Variants in FOXP4 observed in about 807,000 individuals in gnomAD.
FOXP4 encodes forkhead box protein P4.
Under a neutral mutation model 82.6 loss-of-function variants are expected in FOXP4, and 25 were observed. The observed-to-expected ratio is 0.30, with a 90% confidence interval of 0.22 to 0.42. The LOEUF is 0.42. Ranked by LOEUF, FOXP4 falls within the 10% of genes least tolerant of loss-of-function variation. The pLI is 1.00. For synonymous variants in FOXP4, 415 were observed against 388.2 expected (o/e 1.07, Z -0.81); for missense variants, 785 against 900.9 (o/e 0.87, Z 1.65).
In FOXP4 at chr6:41,597,699, T is replaced by C. The variant is rs955848383; in HGVS notation, c.1726-82T>C. The C allele has an allele frequency of 2.0e-6, 3 of 1,499,654 alleles. No homozygotes were observed. In the African/African-American group the frequency reaches 4.1e-5, roughly 21 times the overall value. The allele number at this position is 1,499,654 out of a possible 1,614,324, so 92.9% of individuals were successfully genotyped here. A position where few individuals can be genotyped will look rare whatever the true frequency, so the allele number is the denominator to read the frequency against. ...GGCAGACACACAGGCAGCTCTCTAG[T>C]GGGCGGGGAAGGCACAGCACTTGAC... is the stretch of plus-strand genomic sequence containing the variant. On this transcript the variant is annotated intron_variant, in intron 15 of 16. Coordinates refer to ENST00000307972, the MANE Select transcript of FOXP4 (RefSeq NM_001012426.2).
chr6:41,597,074 GGACC>G lies in FOXP4; in HGVS notation c.1659-101_1659-98del, dbSNP rs1163328769. ...CCCTGGCCTCCCGGAATAGGGAATG[GGACC>G]CATTCCCAGCACAGGCCGTTACTTA... On this transcript the variant is annotated intron_variant, in intron 14 of 16. Coordinates refer to ENST00000307972, the MANE Select transcript of FOXP4 (RefSeq NM_001012426.2). The G allele has an allele frequency of 3.2e-6, 4 of 1,255,760 alleles. No homozygotes were observed. In the African/African-American group the frequency reaches 5.9e-5, roughly 19 times the overall value. The allele number at this position is 1,255,760 out of a possible 1,614,324, so 77.8% of individuals were successfully genotyped here.
At chr6:41,550,086 G>A (rs1052667958) in intron 1 of FOXP4, among the ~76,000 whole-genome samples, 2 of 152,132 alleles carry the variant, frequency 1.3e-5, no homozygotes, top group Non-Finnish European at 2.9e-5. Context: ...CTCAGGCTCC[G>A]TTGGCTGGAA....
chr6:41,571,546 C>T (rs1238645578), intron 2 of FOXP4, among the ~76,000 whole-genome samples: 2 of 152,212 alleles, frequency 1.3e-5, no homozygotes, highest in Admixed American at 6.5e-5. Context: ...TGTGAGTCGT[C>T]TCCCACCCAC....
chr6:41,578,362 CTGTT>C (rs1032118300), intron 3 of FOXP4, among the ~76,000 whole-genome samples: 3 of 152,178 alleles, frequency 2.0e-5, no homozygotes, highest in African/African-American at 4.8e-5. Context: ...ACCTCTCTCA[CTGTT>C]TGTTCTCCCC....
chr6:41,584,771 G>T lies in FOXP4; in HGVS notation c.303G>T (p.Val101=), dbSNP rs1287217717. ...DSKQSASAVQ[V]PVSVAMMSPQ... ...GGCTAACGGGCCGAATCCTGCAGGT[G>T]CCTGTGTCGGTGGCCATGATGTCGC... Residue 101 remains valine (V), a splice_region_variant and synonymous_variant, in exon 4 of 17, where the codon GTG becomes GTT. Transcript: ENST00000307972. 3.1e-6 allele frequency: 5 copies of T among 1,588,046 alleles called. No individual in the cohort carries two copies. Among genetic ancestry groups the T allele is most frequent in the Non-Finnish European group, 4.3e-6 (5 of 1,167,286 alleles).
chr6:41,588,365 TCAAA>T (rs764971348), intron 8 of FOXP4, among the ~76,000 whole-genome samples: 2 of 152,216 alleles, frequency 1.3e-5, no homozygotes, highest in African/African-American at 2.4e-5. Flanking sequence ...AGCATCAGGG[TCAAA>T]CAAATTGTTT....
intron 1 of FOXP4, chr6:41,548,767 G>A (rs1763820179): frequency 1.3e-5 from 2 of 151,940 alleles, no homozygotes; most frequent in Admixed American, 6.6e-5. Flanking sequence ...GGGAGCCACG[G>A]CCTCAGAAAA....
At chr6:41,580,768 G>A (rs1765753484) in intron 3 of FOXP4, among the ~76,000 whole-genome samples, 1 of 152,176 alleles carries the variant, frequency 6.6e-6, no homozygotes. Flanking sequence ...TGCATCTTGA[G>A]CCTGAGTGCA....
Position 41,601,206 on chromosome 6 carries a change from C to T in FOXP4, c.*2270C>T, listed in dbSNP as rs532348119. 1.3e-5 allele frequency: 2 copies of T among 152,336 alleles called. No individual in the cohort carries two copies. The highest frequency in any genetic ancestry group is 2.4e-5 in the African/African-American group (1 of 41,540). The allele number at this position is 152,336 out of a possible 1,614,324, so 9.4% of individuals were successfully genotyped here. A position where few individuals can be genotyped will look rare whatever the true frequency, so the allele number is the denominator to read the frequency against. ...TGGCACACTGTGTGGTGACCATGGTCATCATAGTGGGCTCACGGCGGAAAC... is the reference window on the plus strand; with the variant it reads ...TGGCACACTGTGTGGTGACCATGGTTATCATAGTGGGCTCACGGCGGAAAC... On this transcript the variant is annotated 3_prime_UTR_variant, in exon 17 of 17. Transcript: ENST00000307972.
intron 1 of FOXP4, among the ~76,000 whole-genome samples, 163 bp from the exon 2 acceptor site, chr6:41,565,582 A>G (rs1764826835): frequency 6.6e-6 from 1 of 152,058 alleles, no homozygotes. Context: ...CATCGGGAGG[A>G]GCCACATTCC....
Position 41,587,441 on chromosome 6 carries a change from G to A in FOXP4, c.801G>A (p.Lys267=). Residue 267 remains lysine, a synonymous_variant, in exon 7 of 17, where the codon AAG becomes AAA. Coordinates refer to ENST00000307972, the MANE Select transcript of FOXP4 (RefSeq NM_001012426.2). ...CTACCTCGTTTGCCGCTCCCCCCAA[G>A]GTCTCACCCCCCCTCTCCCACCATA... ...ATATSFAAPP[K]VSPPLSHHTL... is the part of the protein sequence containing the mutation. The A allele has an allele frequency of 4.5e-6, 7 of 1,564,898 alleles. No homozygotes were observed. The South Asian group carries it at 7.3e-5, about 16-fold the overall frequency.
At position 41,599,162 on chromosome 6, in the gene FOXP4, A is replaced by G. The variant is rs560429203; in HGVS notation, c.*226A>G. ...CCCTGGTCTTGGACCAGTAGAGGACACGGAGGGTTCAGACCCCTCCTCAGA... is the reference window on the plus strand; with the variant it reads ...CCCTGGTCTTGGACCAGTAGAGGACGCGGAGGGTTCAGACCCCTCCTCAGA... On this transcript the variant is annotated 3_prime_UTR_variant, in exon 17 of 17. Coordinates refer to ENST00000307972, the MANE Select transcript of FOXP4 (RefSeq NM_001012426.2). 4 of 545,884 alleles carry G rather than the reference A, an allele frequency of 7.3e-6. No homozygotes were observed. The Admixed American group carries it at 1.4e-4, about 19-fold the overall frequency. 33.8% of individuals were successfully genotyped at this position (545,884 alleles called of 1,614,324 possible).
intron 7 of FOXP4, 96 bp downstream of exon 7, chr6:41,587,608 G>A: frequency 8.9e-7 from 1 of 1,125,880 alleles, no homozygotes; most frequent in Non-Finnish European, 1.3e-6. Flanking sequence ...AGGGGGTGGA[G>A]CCCACGGACC....
At chr6:41,559,509 T>C (rs1473297542) in intron 1 of FOXP4, among the ~76,000 whole-genome samples, 2 of 152,128 alleles carry the variant, frequency 1.3e-5, no homozygotes, top group African/African-American at 4.8e-5. Context: ...GTGCCAGGTT[T>C]ATCTAGAAAA....
At position 41,593,651 on chromosome 6, in the gene FOXP4, C is replaced by G. The variant is rs1034297473; in HGVS notation, c.1537-1219C>G. Among the ~76,000 whole-genome samples the G allele has an allele frequency of 2.0e-5, 3 of 152,202 alleles. No homozygotes were observed. The highest frequency in any genetic ancestry group is 4.4e-5 in the Non-Finnish European group (3 of 68,042). The stretch of plus-strand genomic sequence containing the variant: ...CAAATTTATTCCGAGGCAGGAGCCC[C>G]GGCGTGATTAGGCCCTTTGTAATTA... On this transcript the variant is annotated intron_variant, in intron 13 of 16. Transcript: ENST00000307972. This position sits in a 1 kb window ranked among gnomAD's most constrained non-coding sequence, Gnocchi z 4.1.
chr6:41,572,197 G>A (rs1055346423), intron 2 of FOXP4, among the ~76,000 whole-genome samples: 15 of 152,138 alleles, frequency 9.9e-5, no homozygotes, highest in Admixed American at 2.6e-4. Context: ...TCCCACGGCA[G>A]GGCCTCGCAC....
chr6:41,594,302 T>C (rs1766695293), intron 13 of FOXP4, among the ~76,000 whole-genome samples: 1 of 152,228 alleles, frequency 6.6e-6, no homozygotes, highest in Non-Finnish European at 1.5e-5. Flanking sequence ...ACTGTATACC[T>C]TGTGCTCTCA....
intron 2 of FOXP4, among the ~76,000 whole-genome samples, chr6:41,574,405 A>G (rs544896386): frequency 3.3e-4 from 51 of 152,302 alleles, no homozygotes; most frequent in Non-Finnish European, 6.9e-4. Context: ...ACCTAGCTCA[A>G]TGTTGTGAAG....
At chr6:41,586,743 A>T (rs1766147841) in intron 5 of FOXP4, among the ~76,000 whole-genome samples, 2 of 152,036 alleles carry the variant, frequency 1.3e-5, no homozygotes, top group African/African-American at 4.8e-5. Flanking sequence ...AGGCGGGAGG[A>T]GGGAGGGCGT....
Sources: gnomAD v4.1 joint callset for allele counts (sites outside exome capture counted in the v4.1 genomes callset) on GRCh38, gnomAD v4.1.1 for gene constraint, Gnocchi (gnomAD v3.1) non-coding constraint, MANE v1.5 for transcripts, NCBI Gene and HGNC (gene_info 2026-07-23, HGNC 2026-07-21) for gene names.